Variants in FLRT2 observed in about 807,000 individuals in gnomAD.
The protein encoded by FLRT2 is leucine-rich repeat transmembrane protein FLRT2.
FLRT2 carries 15 observed loss-of-function variants against 40.0 expected under a neutral mutation model. The observed-to-expected ratio is 0.38, with a 90% CI of 0.25 to 0.58. FLRT2 has a LOEUF of 0.58. Ranked by LOEUF, FLRT2 falls within the 20% of genes least tolerant of loss-of-function variation. The pLI is 0.71. For synonymous variants in FLRT2, 380 were observed against 336.8 expected (o/e 1.13, Z -1.41); for missense variants, 726 against 840.0 (o/e 0.86, Z 1.68).
chr14:85,558,811 A>T (rs1038931881), intron 1 of FLRT2, among the ~76,000 whole-genome samples: 27 of 152,166 alleles, frequency 1.8e-4, no homozygotes, highest in African/African-American at 6.5e-4. Flanking sequence ...TGCATATTTG[A>T]CATGGTTTGT....
chr14:85,627,504 C>A lies in FLRT2; in HGVS notation c.*4007C>A. The A allele has an allele frequency of 6.0e-6, 1 of 167,032 alleles. No individual in the cohort carries two copies. The allele number at this position is 167,032 out of a possible 1,614,324, so 10.3% of individuals were successfully genotyped here. ...TAGTTTTTTGTTTTCTACCTGCACA[C>A]CCACCAGAAGAGCACAAAGCAAGGC... On this transcript the variant is annotated 3_prime_UTR_variant, in exon 2 of 2. Coordinates refer to ENST00000330753, the MANE Select transcript of FLRT2 (RefSeq NM_013231.6).
At chr14:85,601,667 G>T (rs754279751) in intron 1 of FLRT2, among the ~76,000 whole-genome samples, 24 of 152,192 alleles carry the variant, frequency 1.6e-4, no homozygotes, top group Non-Finnish European at 2.9e-4. Context: ...GCCTCAGTTT[G>T]GTCGCTTATA....
chr14:85,539,197 G>A (rs1187551273), intron 1 of FLRT2, among the ~76,000 whole-genome samples: 1 of 151,848 alleles, frequency 6.6e-6, no homozygotes, highest in Non-Finnish European at 1.5e-5. Context: ...ATTTATACAG[G>A]AAAGTCCTAC....
At chr14:85,620,018 G>C (rs1205029431) in intron 1 of FLRT2, among the ~76,000 whole-genome samples, 2 of 152,202 alleles carry the variant, frequency 1.3e-5, no homozygotes, top group Non-Finnish European at 1.5e-5. Context: ...GATCACAATG[G>C]TGTATCTCAT....
intron 1 of FLRT2, among the ~76,000 whole-genome samples, chr14:85,538,825 TC>T (rs1375402289): frequency 1.3e-5 from 2 of 152,110 alleles, no homozygotes; most frequent in African/African-American, 4.8e-5. Flanking sequence ...CGCATATCAG[TC>T]CTGAAATAGG....
rs1894028971 is a variant in FLRT2, at chr14:85,637,148, GTAAC to G, written c.*13655_*13658del. The G allele has an allele frequency of 6.6e-6, 1 of 152,046 alleles. No homozygotes were observed. Among genetic ancestry groups the G allele is most frequent in the Non-Finnish European group, 1.5e-5 (1 of 68,000 alleles). The allele number at this position is 152,046 out of a possible 1,614,324, so 9.4% of individuals were successfully genotyped here. Reference sequence around the variant, plus strand: ...AATCTTTTCTGGCATGGGTACAAATGTAACTAATCAAGTGTAATTTATAAACTAT... The same window carrying G: ...AATCTTTTCTGGCATGGGTACAAATGTAATCAAGTGTAATTTATAAACTAT... On this transcript the variant is annotated 3_prime_UTR_variant, in exon 2 of 2. Coordinates refer to ENST00000330753, the MANE Select transcript of FLRT2 (RefSeq NM_013231.6).
chr14:85,580,950 T>C (rs1323396684), intron 1 of FLRT2, among the ~76,000 whole-genome samples: 1 of 152,216 alleles, frequency 6.6e-6, no homozygotes, highest in Non-Finnish European at 1.5e-5. Flanking sequence ...TTCTGGCTAA[T>C]CCGAAGAGAT....
intron 1 of FLRT2, among the ~76,000 whole-genome samples, chr14:85,581,899 T>G (rs1891402706): frequency 6.6e-6 from 1 of 152,204 alleles, no homozygotes; most frequent in South Asian, 2.1e-4. Flanking sequence ...ACACATGTGA[T>G]TCTATGTCAT....
intron 1 of FLRT2, among the ~76,000 whole-genome samples, chr14:85,615,698 T>A (rs1893094929): frequency 2.1e-5 from 1 of 47,598 alleles, no homozygotes; most frequent in Non-Finnish European, 4.4e-5. Context: ...ACTATAGGAC[T>A]CTCCTGATTA....
intron 1 of FLRT2, among the ~76,000 whole-genome samples, chr14:85,552,376 T>A (rs1037980521): frequency 6.6e-6 from 1 of 152,110 alleles, no homozygotes; most frequent in East Asian, 1.9e-4. Context: ...CCTTGAAGAG[T>A]TGCCATGAGG....
At chr14:85,595,029 T>G (rs1892071972) in intron 1 of FLRT2, among the ~76,000 whole-genome samples, 2 of 152,168 alleles carry the variant, frequency 1.3e-5, no homozygotes, top group Admixed American at 6.6e-5. Context: ...CTCATCTTCT[T>G]CACATTAATA....
rs35764416 is a variant in FLRT2 at position 85,636,390 on chromosome 14, G to GAAAAAAAAAAAAAAAAAAAAA, written c.*12911_*12912insAAAAAAAAAAAAAAAAAAAAA. ...AAAATCAAAGGTGAAGTCACCTGCA[G>GAAAAAAAAAAAAAAAAAAAAA]AAAAAAAAAAAAAAAAAACAAAAAA... On this transcript the variant is annotated 3_prime_UTR_variant, in exon 2 of 2. Transcript: ENST00000330753. 1 of 75,318 alleles carries GAAAAAAAAAAAAAAAAAAAAA rather than the reference G, an allele frequency of 1.3e-5. No individual in the cohort carries two copies. The highest frequency in any genetic ancestry group is 5.0e-5 in the African/African-American group (1 of 19,920). The allele number at this position is 75,318 out of a possible 1,614,324, so 4.7% of individuals were successfully genotyped here.
intron 1 of FLRT2, among the ~76,000 whole-genome samples, chr14:85,572,406 A>G (rs933578551): frequency 5.2e-4 from 79 of 152,258 alleles, no homozygotes; most frequent in African/African-American, 1.8e-3. Flanking sequence ...TGTCATTTTC[A>G]TTAACTTCTC....
intron 1 of FLRT2, among the ~76,000 whole-genome samples, chr14:85,572,825 A>G (rs1002108067): frequency 2.6e-5 from 4 of 152,114 alleles, no homozygotes; most frequent in Admixed American, 1.3e-4. Context: ...GCTGTTATTT[A>G]TATTTTACAG....
At position 85,646,518 on chromosome 14, in the gene FLRT2, A is replaced by G. The variant is rs1254736668; in HGVS notation, c.*23021A>G. The G allele has an allele frequency of 2.0e-5, 3 of 152,202 alleles. No individual in the cohort carries two copies. Among genetic ancestry groups the G allele is most frequent in the Non-Finnish European group, 2.9e-5 (2 of 68,052 alleles). 9.4% of individuals were successfully genotyped at this position (152,202 alleles called of 1,614,324 possible). On this transcript the variant is annotated 3_prime_UTR_variant, in exon 2 of 2. Transcript: ENST00000330753. ...TTTGCAGTCCTCTTAGAAGAAGGTA[A>G]AAGTGGGTAGAATGGACCATAGTAC...
At chr14:85,544,937 G>A (rs1342028413) in intron 1 of FLRT2, among the ~76,000 whole-genome samples, 3 of 152,118 alleles carry the variant, frequency 2.0e-5, no homozygotes, top group Non-Finnish European at 4.4e-5. Context: ...AGAGGATAGA[G>A]CACAGTTTGA....
chr14:85,598,707 T>C (rs1892247539), intron 1 of FLRT2, among the ~76,000 whole-genome samples: 1 of 152,084 alleles, frequency 6.6e-6, no homozygotes, highest in Non-Finnish European at 1.5e-5. Flanking sequence ...CCTGTTACGG[T>C]TTTAATATGC....
At chr14:85,546,716 T>C (rs1889299420) in intron 1 of FLRT2, among the ~76,000 whole-genome samples, 1 of 152,182 alleles carries the variant, frequency 6.6e-6, no homozygotes, top group Non-Finnish European at 1.5e-5. Context: ...GGCTTCCTTG[T>C]TTGTCTGGAC....
rs1307105027 is a variant in FLRT2, at chr14:85,641,514, C to T, written c.*18017C>T. 1 of 152,192 alleles carries T rather than the reference C, an allele frequency of 6.6e-6. No individual in the cohort carries two copies. Among genetic ancestry groups the T allele is most frequent in the Non-Finnish European group, 1.5e-5 (1 of 68,042 alleles). 9.4% of individuals were successfully genotyped at this position (152,192 alleles called of 1,614,324 possible). On this transcript the variant is annotated 3_prime_UTR_variant, in exon 2 of 2. Transcript: ENST00000330753. ...TGGAGTCAGGTGATGTGAATAGCAG[C>T]AGGAGAGACCTGATTTCTGGATAAG...
Sources: gnomAD v4.1 joint callset for allele counts (sites outside exome capture counted in the v4.1 genomes callset) on GRCh38, gnomAD v4.1.1 for gene constraint, MANE v1.5 for transcripts, NCBI Gene and HGNC (gene_info 2026-07-23, HGNC 2026-07-21) for gene names.